XKR6: variants seen among roughly 807,000 people sequenced by gnomAD.
XKR6 encodes the protein XK related 6.
In XKR6, 22 loss-of-function variants were observed where a neutral mutation model predicts 56.7. The observed-to-expected ratio is 0.39, with a 90% confidence interval of 0.28 to 0.55. XKR6 has a LOEUF of 0.55. XKR6 is among the 20% of genes least tolerant of loss of function. XKR6 has a pLI of 0.66. For synonymous variants in XKR6, 524 were observed against 387.8 expected (o/e 1.35, Z -4.13); for missense variants, 852 against 889.0 (o/e 0.96, Z 0.53).
intron 1 of XKR6, among the ~76,000 whole-genome samples, chr8:11,178,268 T>A (rs1802763299): frequency 6.6e-6 from 1 of 152,114 alleles, no homozygotes; most frequent in Non-Finnish European, 1.5e-5. Context: ...CAGCTCCGGA[T>A]GGAACTGTAG....
intron 1 of XKR6, among the ~76,000 whole-genome samples, chr8:11,072,088 C>T (rs1800144955): frequency 6.6e-6 from 1 of 152,260 alleles, no homozygotes. Context: ...TCTGTGGTGA[C>T]CGCATCTCTA....
At chr8:10,947,599 A>G (rs1017709941) in intron 1 of XKR6, among the ~76,000 whole-genome samples, 5 of 152,168 alleles carry the variant, frequency 3.3e-5, no homozygotes, top group Admixed American at 2.0e-4. Context: ...CCAAAGAAGG[A>G]GGAGAAAGAC....
intron 2 of XKR6, among the ~76,000 whole-genome samples, chr8:10,901,848 G>T (rs2129107173): frequency 6.6e-6 from 1 of 152,316 alleles, no homozygotes; most frequent in Admixed American, 6.5e-5. Flanking sequence ...ATCACCCTCA[G>T]ACTTCGCTGT....
At chr8:11,170,892 G>C (rs984699963) in intron 1 of XKR6, among the ~76,000 whole-genome samples, 6 of 152,154 alleles carry the variant, frequency 3.9e-5, no homozygotes, top group African/African-American at 1.4e-4. Context: ...ATAATTTACA[G>C]AGGAACTAGG....
At chr8:11,182,771 G>C (rs1037782467) in intron 1 of XKR6, among the ~76,000 whole-genome samples, 8 of 152,198 alleles carry the variant, frequency 5.3e-5, no homozygotes, top group Admixed American at 4.6e-4. Context: ...CAAGTGTACA[G>C]TTCAGTGGCA....
At chr8:11,110,428 G>C (rs1247848290) in intron 1 of XKR6, among the ~76,000 whole-genome samples, 1 of 152,160 alleles carries the variant, frequency 6.6e-6, no homozygotes. Flanking sequence ...GAAAACTTCT[G>C]CTATACACTA....
chr8:11,147,654 CA>C (rs35057185), intron 1 of XKR6, among the ~76,000 whole-genome samples: 26,139 of 100,448 alleles, frequency 0.26, 2,345 homozygotes, highest in Middle Eastern at 0.36. Context: ...GACTCTGTCT[CA>C]AAAAAAAAAA....
At chr8:10,954,188 A>G (rs965130850) in intron 1 of XKR6, among the ~76,000 whole-genome samples, 2 of 152,356 alleles carry the variant, frequency 1.3e-5, no homozygotes, top group South Asian at 2.1e-4. Flanking sequence ...ATGGTAGTGG[A>G]ACTGCTGGGT....
intron 1 of XKR6, among the ~76,000 whole-genome samples, chr8:10,975,971 G>A (rs567367338): frequency 6.6e-6 from 1 of 152,178 alleles, no homozygotes; most frequent in South Asian, 2.1e-4. Flanking sequence ...TCAGGAGATC[G>A]AGACCATACT....
intron 1 of XKR6, among the ~76,000 whole-genome samples, chr8:11,177,091 C>A (rs1802696699): frequency 6.6e-6 from 1 of 152,142 alleles, no homozygotes; most frequent in Admixed American, 6.5e-5. Flanking sequence ...AGCCTGGGAC[C>A]ATGGCACTAA....
At chr8:11,081,389 C>T (rs758609646) in intron 1 of XKR6, among the ~76,000 whole-genome samples, 41 of 152,154 alleles carry the variant, frequency 2.7e-4, no homozygotes, top group Admixed American at 2.6e-4. Context: ...GGTCTTAGCA[C>T]GGATGAGAAT....
intron 1 of XKR6, among the ~76,000 whole-genome samples, chr8:10,962,736 C>T (rs747289680): frequency 3.3e-5 from 5 of 152,144 alleles, no homozygotes; most frequent in Non-Finnish European, 7.4e-5. Context: ...AGCAATTCTC[C>T]TGCCTCAGCC....
At chr8:11,080,977 G>A (rs915241141) in intron 1 of XKR6, among the ~76,000 whole-genome samples, 1 of 152,194 alleles carries the variant, frequency 6.6e-6, no homozygotes, top group African/African-American at 2.4e-5. Context: ...CATATCAATG[G>A]CAAATAATCA....
chr8:11,087,621 A>G (rs1411854976), intron 1 of XKR6, among the ~76,000 whole-genome samples: 1 of 152,206 alleles, frequency 6.6e-6, no homozygotes, highest in African/African-American at 2.4e-5. Context: ...TGCAACCACC[A>G]AGGGAACCAG....
chr8:11,072,791 C>G (rs995196093), intron 1 of XKR6, among the ~76,000 whole-genome samples: 1 of 150,544 alleles, frequency 6.6e-6, no homozygotes, highest in Non-Finnish European at 1.5e-5. Context: ...TAGCTCAAGC[C>G]TATAATCCCA....
intron 1 of XKR6, among the ~76,000 whole-genome samples, chr8:11,149,262 T>C (rs946269914): frequency 2.6e-5 from 4 of 152,206 alleles, no homozygotes; most frequent in Non-Finnish European, 5.9e-5. Flanking sequence ...ATACAGCCTA[T>C]TGCTCCTAGG....
chr8:11,136,216 G>C (rs976149229), intron 1 of XKR6, among the ~76,000 whole-genome samples: 3 of 152,148 alleles, frequency 2.0e-5, no homozygotes, highest in African/African-American at 7.2e-5. Flanking sequence ...GAATGTTTAT[G>C]TCTTTCAAAA....
rs79866769 is a variant in XKR6 at position 11,113,242 on chromosome 8, T to G, written c.764+87334A>C. On this transcript the variant is annotated intron_variant, in intron 1 of 2. Transcript: ENST00000416569. ...TTGAAATAATAGCTTAGTGTGAATC[T>G]GAACTCCAAGCAAAAACCTTTTTGG... 6.2e-3 allele frequency among the ~76,000 whole-genome samples: 949 copies of G among 152,334 alleles called. 8 individuals are homozygous for G. The highest frequency in any genetic ancestry group is 0.02 in the African/African-American group (821 of 41,574).
intron 1 of XKR6, among the ~76,000 whole-genome samples, chr8:11,125,580 C>T (rs929298429): frequency 2.6e-5 from 4 of 152,046 alleles, no homozygotes; most frequent in South Asian, 2.1e-4. Flanking sequence ...CTCATGGCTT[C>T]CTGAGACCTA....
Sources: gnomAD v4.1 joint callset for allele counts (sites outside exome capture counted in the v4.1 genomes callset) on GRCh38, gnomAD v4.1.1 for gene constraint, MANE v1.5 for transcripts, NCBI Gene and HGNC (gene_info 2026-07-23, HGNC 2026-07-21) for gene names.